PDE3A: variants seen among roughly 807,000 people sequenced by gnomAD.
PDE3A encodes the protein cGMP-inhibited 3',5'-cyclic phosphodiesterase 3A.
Under a neutral mutation model 98.3 loss-of-function variants are expected in PDE3A, and 43 were observed. That is an observed-to-expected ratio of 0.44 (90% CI 0.34 to 0.56). The LOEUF is 0.56. PDE3A is among the 20% of genes least tolerant of loss of function. PDE3A has a pLI of 0.01. For synonymous variants in PDE3A, 663 were observed against 567.9 expected (o/e 1.17, Z -2.38); for missense variants, 1,427 against 1,440.7 (o/e 0.99, Z 0.15).
chr12:20,400,787 C>T (rs1336564367), intron 1 of PDE3A, among the ~76,000 whole-genome samples: 2 of 152,014 alleles, frequency 1.3e-5, no homozygotes, highest in Non-Finnish European at 2.9e-5. Context: ...CTAATTTTCG[C>T]CCAGTATGCT....
intron 1 of PDE3A, among the ~76,000 whole-genome samples, chr12:20,532,728 A>G (rs1261271375): frequency 4.1e-4 from 55 of 133,932 alleles, no homozygotes; most frequent in Non-Finnish European, 6.7e-4. Context: ...TCGCTCTGTC[A>G]CCCAGGCTGG....
intron 2 of PDE3A, among the ~76,000 whole-genome samples, chr12:20,611,728 G>A (rs1943859684): frequency 6.6e-6 from 1 of 151,496 alleles, no homozygotes; most frequent in African/African-American, 2.4e-5. Flanking sequence ...TATCTTTATG[G>A]ATGTTAGGTG....
At chr12:20,586,208 A>G (rs1054085852) in intron 2 of PDE3A, among the ~76,000 whole-genome samples, 1 of 152,200 alleles carries the variant, frequency 6.6e-6, no homozygotes, top group African/African-American at 2.4e-5. Context: ...CTAGGAAGAG[A>G]GAATGGCATG....
intron 1 of PDE3A, among the ~76,000 whole-genome samples, chr12:20,537,174 G>A (rs903179342): frequency 4.6e-5 from 7 of 152,068 alleles, no homozygotes; most frequent in African/African-American, 1.7e-4. Context: ...ATCTTCTCAT[G>A]TACTTGATGA....
intron 1 of PDE3A, among the ~76,000 whole-genome samples, chr12:20,462,921 ACCAC>A (rs1945277734): frequency 6.6e-6 from 1 of 151,744 alleles, no homozygotes; most frequent in Non-Finnish European, 1.5e-5. Flanking sequence ...TCCTGAGTAT[ACCAC>A]CATGCCAGGC....
At chr12:20,443,017 G>T (rs1247567247) in intron 1 of PDE3A, among the ~76,000 whole-genome samples, 1 of 151,744 alleles carries the variant, frequency 6.6e-6, no homozygotes, top group African/African-American at 2.4e-5. Flanking sequence ...ATCAGTTAAT[G>T]GTAGTGAACA....
chr12:20,544,946 T>C (rs960577321), intron 1 of PDE3A, among the ~76,000 whole-genome samples: 1 of 152,044 alleles, frequency 6.6e-6, no homozygotes, highest in Non-Finnish European at 1.5e-5. Flanking sequence ...TTCCTCAAGC[T>C]TTAACATGCT....
intron 1 of PDE3A, among the ~76,000 whole-genome samples, chr12:20,432,081 GT>G (rs1392097682): frequency 6.6e-6 from 1 of 152,080 alleles, no homozygotes; most frequent in African/African-American, 2.4e-5. Context: ...AAGAAAAGTT[GT>G]TTTTATTTAT....
chr12:20,465,143 C>T (rs1030646233), intron 1 of PDE3A, among the ~76,000 whole-genome samples: 2 of 152,120 alleles, frequency 1.3e-5, no homozygotes, highest in Non-Finnish European at 2.9e-5. Context: ...TTCATCAAAT[C>T]TTCCTTTCTG....
chr12:20,441,619 G>C (rs1463667184), intron 1 of PDE3A, among the ~76,000 whole-genome samples: 1 of 152,168 alleles, frequency 6.6e-6, no homozygotes, highest in Non-Finnish European at 1.5e-5. Context: ...CTTGAAACCA[G>C]GGACTGGGGT....
chr12:20,414,486 T>A (rs1354023805), intron 1 of PDE3A, among the ~76,000 whole-genome samples: 1 of 152,216 alleles, frequency 6.6e-6, no homozygotes, highest in African/African-American at 2.4e-5. Context: ...CTTGTGTAGG[T>A]TTTGAAAAAT....
chr12:20,464,891 G>A (rs1203663073), intron 1 of PDE3A, among the ~76,000 whole-genome samples: 8 of 152,008 alleles, frequency 5.3e-5, no homozygotes, highest in African/African-American at 1.7e-4. Context: ...GATATTTTAG[G>A]ATAAACATTC....
At chr12:20,421,942 A>G (rs778305933) in intron 1 of PDE3A, among the ~76,000 whole-genome samples, 1 of 152,220 alleles carries the variant, frequency 6.6e-6, no homozygotes, top group Non-Finnish European at 1.5e-5. Context: ...TCCCAGGTAA[A>G]TTGTGAAGTT....
chr12:20,467,623 G>T (rs1945360757), intron 1 of PDE3A, among the ~76,000 whole-genome samples: 1 of 151,712 alleles, frequency 6.6e-6, no homozygotes, highest in Non-Finnish European at 1.5e-5. Flanking sequence ...CTGAATATTT[G>T]AAGTATTTAG....
intron 1 of PDE3A, among the ~76,000 whole-genome samples, chr12:20,477,655 T>C (rs947716920): frequency 6.6e-6 from 1 of 152,174 alleles, no homozygotes; most frequent in Non-Finnish European, 1.5e-5. Context: ...TTTGTATATT[T>C]CAAGGTAATT....
intron 2 of PDE3A, among the ~76,000 whole-genome samples, chr12:20,602,828 T>C (rs2121414811): frequency 6.6e-6 from 1 of 152,320 alleles, no homozygotes; most frequent in East Asian, 1.9e-4. Flanking sequence ...AATTTTCACA[T>C]GATTTCATTT....
intron 15 of PDE3A, among the ~76,000 whole-genome samples, chr12:20,668,497 G>C (rs1430066035): frequency 1.3e-5 from 2 of 152,180 alleles, no homozygotes; most frequent in African/African-American, 2.4e-5. Context: ...TGCAGCTGGA[G>C]ATCTGAGAAC....
intron 1 of PDE3A, among the ~76,000 whole-genome samples, chr12:20,545,013 A>G (rs1942014041): frequency 6.6e-6 from 1 of 151,984 alleles, no homozygotes; most frequent in African/African-American, 2.4e-5. Context: ...TCACAAGCTT[A>G]TTTTACTTTA....
At position 20,395,754 on chromosome 12, in the gene PDE3A, G is replaced by A. The variant is rs184747610; in HGVS notation, c.960+25510G>A. On this transcript the variant is annotated intron_variant, in intron 1 of 15. Coordinates refer to ENST00000359062, the MANE Select transcript of PDE3A (RefSeq NM_000921.5). ...GGTATATAACTAGAAAATAATATTT[G>A]ACAATTTGGGGAGACCTATAGAGAT... Among the ~76,000 whole-genome samples the A allele has an allele frequency of 3.3e-5, 5 of 150,290 alleles. No homozygotes were observed. In the Admixed American group the frequency reaches 3.3e-4, roughly 10 times the overall value.
Sources: gnomAD v4.1 joint callset for allele counts (sites outside exome capture counted in the v4.1 genomes callset) on GRCh38, gnomAD v4.1.1 for gene constraint, MANE v1.5 for transcripts, NCBI Gene and HGNC (gene_info 2026-07-23, HGNC 2026-07-21) for gene names.